TMEFF2: variants seen among roughly 807,000 people sequenced by gnomAD.
The protein encoded by TMEFF2 is tomoregulin-2.
A neutral mutation model predicts 53.8 loss-of-function variants in TMEFF2; 28 were observed. The ratio of observed to expected loss-of-function variants is 0.52; its 90% CI spans 0.39 to 0.71. The LOEUF (loss-of-function observed/expected upper bound fraction) is 0.71, where lower values mean the gene tolerates loss of function less well. TMEFF2 is among the 30% of genes least tolerant of loss of function. The pLI, the probability that TMEFF2 is intolerant of heterozygous loss-of-function variation, is 0.00. For synonymous variants in TMEFF2, 162 were observed against 166.3 expected (o/e 0.97, Z 0.20); for missense variants, 353 against 455.2 (o/e 0.78, Z 2.04).
At position 192,142,090 on chromosome 2, in the gene TMEFF2, A is replaced by G. The variant is rs143791117; in HGVS notation, c.439+37578T>C. Among the ~76,000 whole-genome samples, 817 of 152,302 alleles carry G rather than the reference A, an allele frequency of 5.4e-3. 4 individuals carry two copies. The highest frequency in any genetic ancestry group is 0.018 in the African/African-American group (762 of 41,578). On this transcript the variant is annotated intron_variant, in intron 4 of 9. Transcript: ENST00000272771. The stretch of plus-strand genomic sequence containing the variant: ...TTTTAAAGACCCTCTTTGGGAAGTC[A>G]AAGAGGGAATGAAAGAGTTTGATGT...
At chr2:192,050,833 T>G (rs1474138354) in intron 5 of TMEFF2, among the ~76,000 whole-genome samples, 1 of 152,154 alleles carries the variant, frequency 6.6e-6, no homozygotes, top group Non-Finnish European at 1.5e-5. Context: ...AAGAAAGAAA[T>G]AATGAAAGCA....
chr2:192,005,292 ATTAAT>A (rs1008928439), intron 5 of TMEFF2, among the ~76,000 whole-genome samples: 19 of 152,236 alleles, frequency 1.2e-4, no homozygotes, highest in African/African-American at 4.3e-4. Context: ...GGGGTTTGAC[ATTAAT>A]TTAATTCCCT....
intron 4 of TMEFF2, among the ~76,000 whole-genome samples, chr2:192,173,110 T>C (rs958927031): frequency 5.9e-5 from 9 of 151,900 alleles, no homozygotes; most frequent in Admixed American, 1.3e-4. Context: ...AATGACTTAT[T>C]GTATATTTCA....
At chr2:192,159,402 A>C (rs963833966) in intron 4 of TMEFF2, among the ~76,000 whole-genome samples, 1 of 152,178 alleles carries the variant, frequency 6.6e-6, no homozygotes, top group Non-Finnish European at 1.5e-5. Flanking sequence ...GCTCATTAAA[A>C]TATAGTCCCT....
At chr2:192,015,173 A>G (rs1686716981) in intron 5 of TMEFF2, among the ~76,000 whole-genome samples, 1 of 152,134 alleles carries the variant, frequency 6.6e-6, no homozygotes, top group Non-Finnish European at 1.5e-5. Context: ...GTATCTTGAT[A>G]TATAAGGTTT....
chr2:192,165,268 T>C (rs369365215), intron 4 of TMEFF2, among the ~76,000 whole-genome samples: 16 of 152,148 alleles, frequency 1.1e-4, no homozygotes, highest in African/African-American at 3.4e-4. Context: ...TCCAGGAGCC[T>C]GGGTGTAAAT....
chr2:192,118,663 C>T (rs1689474928), intron 4 of TMEFF2, among the ~76,000 whole-genome samples: 1 of 152,170 alleles, frequency 6.6e-6, no homozygotes, highest in African/African-American at 2.4e-5. Context: ...AAAATTATAA[C>T]AATTTGCTAC....
chr2:192,022,210 TC>T (rs1193099174), intron 5 of TMEFF2, among the ~76,000 whole-genome samples: 2 of 152,184 alleles, frequency 1.3e-5, no homozygotes, highest in Admixed American at 1.3e-4. Flanking sequence ...CCACTAGATC[TC>T]CTCCATAAGC....
At chr2:192,038,293 C>T (rs1687381255) in intron 5 of TMEFF2, among the ~76,000 whole-genome samples, 1 of 152,114 alleles carries the variant, frequency 6.6e-6, no homozygotes, top group African/African-American at 2.4e-5. Flanking sequence ...TATTTAACAC[C>T]TTTGTACCTC....
chr2:192,146,825 T>A (rs1559146159), intron 4 of TMEFF2, among the ~76,000 whole-genome samples: 1 of 152,228 alleles, frequency 6.6e-6, no homozygotes, highest in Admixed American at 6.5e-5. Flanking sequence ...TCTTGAACAA[T>A]TTTCCCCATT....
At chr2:192,112,904 G>C (rs1689317807) in intron 4 of TMEFF2, among the ~76,000 whole-genome samples, 2 of 152,114 alleles carry the variant, frequency 1.3e-5, no homozygotes, top group African/African-American at 4.8e-5. Flanking sequence ...AGTAAGACAT[G>C]CCTTTCACCT....
Position 191,962,531 on chromosome 2 carries a change from T to C in TMEFF2, c.746-6153A>G, listed in dbSNP as rs140667394. 1.2e-4 allele frequency among the ~76,000 whole-genome samples: 18 copies of C among 152,286 alleles called. 1 individual carries two copies. In the East Asian group the frequency reaches 3.3e-3, roughly 28 times the overall value. On this transcript the variant is annotated intron_variant, in intron 7 of 9. Coordinates refer to ENST00000272771, the MANE Select transcript of TMEFF2 (RefSeq NM_016192.4). Reference sequence around the variant, plus strand: ...ATAGTAATTTGGGGACTGGAGTAATTGAAATGCAACAATAGTGGATGATTA... The same window carrying C: ...ATAGTAATTTGGGGACTGGAGTAATCGAAATGCAACAATAGTGGATGATTA...
At chr2:191,998,917 C>G (rs1177074418) in intron 6 of TMEFF2, 143 bp downstream of exon 6, 40 of 774,702 alleles carry the variant, frequency 5.2e-5, no homozygotes, top group Non-Finnish European at 7.8e-5. Flanking sequence ...GACACAAATG[C>G]TACAGTAGAC....
intron 7 of TMEFF2, among the ~76,000 whole-genome samples, chr2:191,958,135 GC>G (rs1338814118): frequency 1.3e-5 from 2 of 152,176 alleles, no homozygotes; most frequent in Non-Finnish European, 2.9e-5. Context: ...CTGTGCCAGG[GC>G]CGGGGGCTAC....
intron 5 of TMEFF2, among the ~76,000 whole-genome samples, chr2:192,025,004 G>A (rs1255221949): frequency 6.6e-6 from 1 of 152,192 alleles, no homozygotes; most frequent in Non-Finnish European, 1.5e-5. Flanking sequence ...AATGAATGAG[G>A]TATACTGTTG....
chr2:192,083,344 A>G (rs1174615352), intron 4 of TMEFF2, among the ~76,000 whole-genome samples: 1 of 152,154 alleles, frequency 6.6e-6, no homozygotes, highest in Admixed American at 6.5e-5. Context: ...CAGTGTATCA[A>G]GGAACAATTC....
chr2:192,035,724 C>A (rs927586989), intron 5 of TMEFF2, among the ~76,000 whole-genome samples: 4 of 152,194 alleles, frequency 2.6e-5, no homozygotes, highest in African/African-American at 9.7e-5. Flanking sequence ...TCCTGCAGCT[C>A]TTTCTGTCTG....
intron 5 of TMEFF2, among the ~76,000 whole-genome samples, chr2:192,003,975 T>TAA (rs941954171): frequency 2.0e-5 from 3 of 151,682 alleles, no homozygotes; most frequent in Non-Finnish European, 2.9e-5. Context: ...ACTGCATTGG[T>TAA]AATGCACCTG....
At chr2:192,117,652 T>C (rs1251801774) in intron 4 of TMEFF2, among the ~76,000 whole-genome samples, 4 of 151,972 alleles carry the variant, frequency 2.6e-5, no homozygotes, top group Non-Finnish European at 5.9e-5. Flanking sequence ...TATGTGACTC[T>C]TTTTCCACCT....
Sources: allele counts gnomAD v4.1 joint callset (sites outside exome capture counted in the v4.1 genomes callset), GRCh38; gene constraint gnomAD v4.1.1; transcripts MANE v1.5; gene names NCBI Gene and HGNC (gene_info 2026-07-23, HGNC 2026-07-21).